Variants in ZNF732 observed in about 807,000 individuals in gnomAD.
ZNF732 encodes zinc finger protein 732, also known as zinc finger protein LOC654254.
In ZNF732, 12 loss-of-function variants were observed where a neutral mutation model predicts 11.5. The observed-to-expected ratio is 1.05, with a 90% CI of 0.67 to 1.70. The LOEUF (loss-of-function observed/expected upper bound fraction) is 1.70. Ranked by LOEUF, ZNF732 falls within the 40% of genes most tolerant of loss-of-function variation. ZNF732 has a pLI of 0.00. For missense variants in ZNF732, 702 were observed against 676.9 expected (o/e 1.04, Z -0.41); for synonymous variants, 231 against 236.5 (o/e 0.98, Z 0.21).
chr4:294,431 A>G (rs2108659016), intron 3 of ZNF732, among the ~76,000 whole-genome samples: 1 of 152,352 alleles, frequency 6.6e-6, no homozygotes, highest in South Asian at 2.1e-4. Flanking sequence ...TTATATAGAT[A>G]CAGATACACG....
At chr4:299,388 TATGTACACATATGTGTATATATATATA>T (rs1560165029) in intron 1 of ZNF732, among the ~76,000 whole-genome samples, 1 of 90,774 alleles carries the variant, frequency 1.1e-5, no homozygotes, top group African/African-American at 3.3e-5. Context: ...TATATACACA[TATGTACACATATGTGTATATATATATA>T]CACATATATA....
intron 1 of ZNF732, among the ~76,000 whole-genome samples, chr4:299,414 T>TAC (rs1280859796): frequency 4.6e-5 from 3 of 65,788 alleles, no homozygotes; most frequent in East Asian, 4.1e-4. Flanking sequence ...TATATATATA[T>TAC]ACACATATAT....
At chr4:299,415 A>T (rs1435101819) in intron 1 of ZNF732, among the ~76,000 whole-genome samples, 40 of 93,062 alleles carry the variant, frequency 4.3e-4, no homozygotes, top group African/African-American at 1.4e-3. Context: ...ATATATATAT[A>T]CACATATATA....
At position 293,203 on chromosome 4, in the gene ZNF732, G is replaced by T. The variant is rs569102191; in HGVS notation, c.226+2235C>A. ...GAAGAAATATCTTCAGCCCATGTTT[G>T]CTGTAGTATATTTACAATAGCCAAA... On this transcript the variant is annotated intron_variant, in intron 3 of 3. Coordinates refer to ENST00000419098, the MANE Select transcript of ZNF732 (RefSeq NM_001137608.3). Among the ~76,000 whole-genome samples, 3 of 140,652 alleles carry T rather than the reference G, an allele frequency of 2.1e-5. No individual in the cohort carries two copies. In the East Asian group the frequency reaches 5.9e-4, roughly 28 times the overall value. 92.3% of individuals were successfully genotyped at this position (140,652 alleles called of 152,430 possible).
intron 1 of ZNF732, among the ~76,000 whole-genome samples, chr4:303,419 C>T (rs1720157514): frequency 6.6e-6 from 1 of 152,166 alleles, no homozygotes; most frequent in South Asian, 2.1e-4. Flanking sequence ...GAGTTCGAGA[C>T]CAGCCTGGCC....
chr4:300,454 CAAAA>C (rs559629684), intron 1 of ZNF732, among the ~76,000 whole-genome samples: 4 of 58,642 alleles, frequency 6.8e-5, no homozygotes, highest in Non-Finnish European at 1.1e-4. Context: ...GACTCTGTCT[CAAAA>C]AAAAAAAAAA....
intron 3 of ZNF732, among the ~76,000 whole-genome samples, chr4:294,460 G>T (rs1560163145): frequency 6.6e-6 from 1 of 152,134 alleles, no homozygotes; most frequent in Non-Finnish European, 1.5e-5. Context: ...AGAATCTCAG[G>T]CTTCCTACTA....
At chr4:301,035 C>A (rs909126891) in intron 1 of ZNF732, among the ~76,000 whole-genome samples, 23 of 152,216 alleles carry the variant, frequency 1.5e-4, no homozygotes, top group African/African-American at 5.3e-4. Context: ...AAAAAAACAA[C>A]CCCATCAACA....
At position 272,650 on chromosome 4, in the gene ZNF732, AT is replaced by A. The variant is rs1719414703; in HGVS notation, c.227-21del. 1 of 1,485,164 alleles carries A rather than the reference AT, an allele frequency of 6.7e-7. No homozygotes were observed. The highest frequency in any genetic ancestry group is 2.3e-5 in the East Asian group (1 of 43,314). The allele number at this position is 1,485,164 out of a possible 1,614,324, so 92.0% of individuals were successfully genotyped here. ...ACACAGCTGAAAGAAATAAAAATAA[AT>A]TATCCTGCTTACTAGATTCATACGA... On this transcript the variant is annotated intron_variant, in intron 3 of 3. Coordinates refer to ENST00000419098, the MANE Select transcript of ZNF732 (RefSeq NM_001137608.3).
chr4:295,510 G>A lies in ZNF732; in HGVS notation c.154C>T (p.Leu52=). ...SLGVAISNPD[L]VIYLEQRKEP... ...TTTCTTTGCTCCAGATAGATGACCA[G>A]GTCTGGGTTAGAGATAGCAACACCT... is the stretch of plus-strand genomic sequence containing the variant. Residue 52 remains leucine (L), a synonymous_variant, in exon 3 of 4, where the codon CTG becomes TTG. Coordinates refer to ENST00000419098, the MANE Select transcript of ZNF732 (RefSeq NM_001137608.3). The A allele has an allele frequency of 6.2e-7, 1 of 1,612,764 alleles. No homozygotes were observed. Among genetic ancestry groups the A allele is most frequent in the Non-Finnish European group, 8.5e-7 (1 of 1,179,378 alleles).
intron 3 of ZNF732, among the ~76,000 whole-genome samples, chr4:286,349 T>C (rs1291191435): frequency 6.6e-6 from 1 of 152,234 alleles, no homozygotes; most frequent in African/African-American, 2.4e-5. Flanking sequence ...TTGCATGTAT[T>C]ATCAAATGAA....
intron 3 of ZNF732, among the ~76,000 whole-genome samples, chr4:283,099 G>A (rs568623919): frequency 6.6e-6 from 1 of 152,272 alleles, no homozygotes; most frequent in South Asian, 2.1e-4. Context: ...ATAAGGTCAT[G>A]AGAGGATCAG....
chr4:299,405 A>ACATATATACACATATATACACATATGTG (rs1720039908), intron 1 of ZNF732, among the ~76,000 whole-genome samples: 1 of 5,608 alleles, frequency 1.8e-4, no homozygotes, highest in African/African-American at 2.9e-4. Context: ...ACATATGTGT[A>ACATATATACACATATATACACATATGTG]TATATATATA....
At chr4:297,125 A>G (rs2352936) in intron 1 of ZNF732, among the ~76,000 whole-genome samples, 41,277 of 152,002 alleles carry the variant, frequency 0.27, 5,972 homozygotes, top group South Asian at 0.38. Flanking sequence ...AAAATTAACC[A>G]GGCATAGTGG....
At chr4:278,738 G>A (rs1045964705) in intron 3 of ZNF732, among the ~76,000 whole-genome samples, 3 of 152,176 alleles carry the variant, frequency 2.0e-5, no homozygotes, top group African/African-American at 4.8e-5. Flanking sequence ...AGACCATGCC[G>A]AAGCTACATG....
chr4:305,375 G>A lies in ZNF732; in HGVS notation c.-65C>T. 6.2e-7 allele frequency: 1 copy of A among 1,600,928 alleles called. No individual in the cohort carries two copies. The highest frequency in any genetic ancestry group is 8.5e-7 in the Non-Finnish European group (1 of 1,176,388). ...TCATCCAATACCCGCAGGTCACAGA[G>A]CGACGGAGGCTGAGGCTGTGACCGA... On this transcript the variant is annotated 5_prime_UTR_variant, in exon 1 of 4. Coordinates refer to ENST00000419098, the MANE Select transcript of ZNF732 (RefSeq NM_001137608.3).
chr4:294,407 A>T (rs1371914532), intron 3 of ZNF732, among the ~76,000 whole-genome samples: 6 of 152,236 alleles, frequency 3.9e-5, no homozygotes, highest in Non-Finnish European at 8.8e-5. Context: ...GGTGTGTGTG[A>T]GAGACACACA....
chr4:299,439 A>ATATATATATACACATATGTGTG lies in ZNF732; in HGVS notation c.4-3285_4-3284insCACACATATGTGTATATATATA, dbSNP rs1560165210. 3.9e-4 allele frequency among the ~76,000 whole-genome samples: 18 copies of ATATATATATACACATATGTGTG among 45,834 alleles called. 1 individual carries two copies. The highest frequency in any genetic ancestry group is 6.7e-4 in the Non-Finnish European group (16 of 24,004). The allele number at this position is 45,834 out of a possible 152,430, so 30.1% of individuals were successfully genotyped here. On this transcript the variant is annotated intron_variant, in intron 1 of 3. Coordinates refer to ENST00000419098, the MANE Select transcript of ZNF732 (RefSeq NM_001137608.3). ...TACACATATATACACATATGTGTAT[A>ATATATATATACACATATGTGTG]TATATATATATACACATATGTGTAT... is the stretch of plus-strand genomic sequence containing the variant.
chr4:294,544 C>T (rs563717288), intron 3 of ZNF732, among the ~76,000 whole-genome samples: 1 of 152,122 alleles, frequency 6.6e-6, no homozygotes, highest in Admixed American at 6.5e-5. Flanking sequence ...ATGTTCTAAG[C>T]TGGTTAATGA....
Sources: allele counts gnomAD v4.1 joint callset (sites outside exome capture counted in the v4.1 genomes callset), GRCh38; gene constraint gnomAD v4.1.1; transcripts MANE v1.5; gene names NCBI Gene and HGNC (gene_info 2026-07-23, HGNC 2026-07-21).